The following ZSCAN25 variants were observed in gnomAD, a reference collection of about 807,000 sequenced individuals.
ZSCAN25 encodes zinc finger and SCAN domain containing 25.
In ZSCAN25, 27 loss-of-function variants were observed where a neutral mutation model predicts 38.7. The observed-to-expected ratio is 0.70, with a 90% CI of 0.51 to 0.96. ZSCAN25 has a LOEUF of 0.96. ZSCAN25 is among the 40% of genes least tolerant of loss of function. ZSCAN25 has a pLI of 0.00. For synonymous variants in ZSCAN25, 273 were observed against 277.7 expected (o/e 0.98, Z 0.17); for missense variants, 637 against 705.9 (o/e 0.90, Z 1.11).
intron 7 of ZSCAN25, among the ~76,000 whole-genome samples, chr7:99,627,471 A>G (rs1395559785): frequency 6.6e-6 from 1 of 152,212 alleles, no homozygotes; most frequent in African/African-American, 2.4e-5. Context: ...ACACACATAC[A>G]TATACTCAGT....
chr7:99,650,227 C>A, the ZSCAN25 span: 2 of 1,613,340 alleles, frequency 1.2e-6, no homozygotes, highest in Non-Finnish European at 1.7e-6. Context: ...CTTCTTCTTA[C>A]TGAACCTAGT....
chr7:99,714,347 A>G, the ZSCAN25 span, among the ~76,000 whole-genome samples: 1 of 152,184 alleles, frequency 6.6e-6, no homozygotes, highest in East Asian at 1.9e-4. Flanking sequence ...ATCAAATTTT[A>G]AGTGCTCTCT....
chr7:99,636,257 G>A (rs1223047436), downstream of ZSCAN25, among the ~76,000 whole-genome samples: 1 of 152,104 alleles, frequency 6.6e-6, no homozygotes, highest in African/African-American at 2.4e-5. Flanking sequence ...AAAGCAACCA[G>A]TGTTCTTAGA....
chr7:99,662,875 A>C, the ZSCAN25 span: 3 of 1,613,742 alleles, frequency 1.9e-6, no homozygotes, highest in Admixed American at 1.7e-5. The surrounding 1 kb of genome is among the most constrained non-coding windows in gnomAD (Gnocchi z 4.3). Context: ...AAGGAAATCT[A>C]GTCGGTGCTA....
chr7:99,708,051 T>C, the ZSCAN25 span: 1 of 1,600,878 alleles, frequency 6.2e-7, no homozygotes, highest in Non-Finnish European at 8.6e-7. Context: ...GTTTCTTACT[T>C]AGGGCCCACC....
the ZSCAN25 span, among the ~76,000 whole-genome samples, chr7:99,678,823 C>T: frequency 1.3e-5 from 2 of 152,182 alleles, no homozygotes; most frequent in African/African-American, 4.8e-5. Flanking sequence ...CATTGTGGTT[C>T]CCTGCTCTTA....
At chr7:99,633,906 T>TC (rs1808159249), downstream of ZSCAN25, among the ~76,000 whole-genome samples, 1 of 152,218 alleles carries the variant, frequency 6.6e-6, no homozygotes, top group African/African-American at 2.4e-5. Flanking sequence ...GACAAGATGT[T>TC]CCAGGCAAAT....
In ZSCAN25 at chr7:99,627,666, A is replaced by ATATACGTATATCATGTATATGCTG. The variant is rs1562969243; in HGVS notation, c.806-1512_806-1489dup. Among the ~76,000 whole-genome samples, 75 of 152,028 alleles carry ATATACGTATATCATGTATATGCTG rather than the reference A, an allele frequency of 4.9e-4. 1 individual carries two copies. In the South Asian group the frequency reaches 0.014, roughly 29 times the overall value. On this transcript the variant is annotated intron_variant, in intron 7 of 7. Coordinates refer to ENST00000394152, the MANE Select transcript of ZSCAN25 (RefSeq NM_145115.3). Reference sequence around the variant, plus strand: ...CGTTGGTATAGTATATATGTATACTATATACGTATATCATGTATATGCTGT... The same window carrying ATATACGTATATCATGTATATGCTG: ...CGTTGGTATAGTATATATGTATACTATATACGTATATCATGTATATGCTGTATACGTATATCATGTATATGCTGT...
At chr7:99,704,693 G>C in the ZSCAN25 span, among the ~76,000 whole-genome samples, 1 of 152,080 alleles carries the variant, frequency 6.6e-6, no homozygotes, top group Non-Finnish European at 1.5e-5. Flanking sequence ...GCTGGGCACC[G>C]TGGCTCATGC....
the ZSCAN25 span, among the ~76,000 whole-genome samples, chr7:99,686,193 G>A: frequency 1.3e-5 from 2 of 152,214 alleles, no homozygotes; most frequent in South Asian, 4.1e-4. Context: ...TGCACAAGCC[G>A]AAGCAGGGCG....
intron 7 of ZSCAN25, among the ~76,000 whole-genome samples, chr7:99,624,844 T>C: frequency 6.6e-6 from 1 of 152,096 alleles, no homozygotes; most frequent in East Asian, 1.9e-4. Context: ...TGCGGGGCTT[T>C]GGGGCTGCCA....
the ZSCAN25 span, among the ~76,000 whole-genome samples, chr7:99,639,339 G>A: frequency 6.6e-6 from 1 of 152,196 alleles, no homozygotes; most frequent in Non-Finnish European, 1.5e-5. Flanking sequence ...AAACAAAGGA[G>A]TTTTACTAGA....
the ZSCAN25 span, chr7:99,735,148 G>A: frequency 6.2e-7 from 1 of 1,608,488 alleles, no homozygotes; most frequent in Non-Finnish European, 8.5e-7. Flanking sequence ...GCAGCGTGCT[G>A]CTGTTTGCTG....
chr7:99,643,138 G>T, the ZSCAN25 span, among the ~76,000 whole-genome samples: 1 of 152,024 alleles, frequency 6.6e-6, no homozygotes, highest in Non-Finnish European at 1.5e-5. Flanking sequence ...GTGTTTATAG[G>T]ATCGAGTTTA....
intron 4 of ZSCAN25, 34 bp from the exon 5 acceptor site, chr7:99,621,339 C>T: frequency 2.3e-6 from 3 of 1,326,262 alleles, no homozygotes; most frequent in Non-Finnish European, 2.9e-6. Context: ...CTTGCCCAGG[C>T]CTCATTCTAA....
At chr7:99,688,257 G>A in the ZSCAN25 span, among the ~76,000 whole-genome samples, 1 of 152,188 alleles carries the variant, frequency 6.6e-6, no homozygotes, top group Non-Finnish European at 1.5e-5. Flanking sequence ...ACCCATCAGT[G>A]TGCTGTATTC....
At chr7:99,665,377 G>T in the ZSCAN25 span, 1 of 1,592,842 alleles carries the variant, frequency 6.3e-7, no homozygotes, top group Non-Finnish European at 8.6e-7. Flanking sequence ...CACTATACAT[G>T]CAGCAAGAAA....
chr7:99,652,585 G>A, the ZSCAN25 span: 1 of 1,613,726 alleles, frequency 6.2e-7, no homozygotes, highest in Admixed American at 1.7e-5. Context: ...GCTCTGTCCA[G>A]TACTTTGGGT....
downstream of ZSCAN25, among the ~76,000 whole-genome samples, chr7:99,633,474 T>C (rs1449306096): frequency 6.6e-6 from 1 of 152,240 alleles, no homozygotes; most frequent in African/African-American, 2.4e-5. Context: ...TCCTCCTCTT[T>C]ATTTGCCTGT....
Sources: allele counts gnomAD v4.1 joint callset (sites outside exome capture counted in the v4.1 genomes callset), GRCh38; gene constraint gnomAD v4.1.1; non-coding constraint Gnocchi (gnomAD v3.1); transcripts MANE v1.5; gene names NCBI Gene and HGNC (gene_info 2026-07-23, HGNC 2026-07-21).